ANKAR: variants seen among roughly 807,000 people sequenced by gnomAD.
The protein encoded by ANKAR is ankyrin and armadillo repeat containing.
A neutral mutation model predicts 146.2 loss-of-function variants in ANKAR; 136 were observed. The observed-to-expected ratio is 0.93, with a 90% CI of 0.81 to 1.07. The LOEUF (loss-of-function observed/expected upper bound fraction) is 1.07. Among genes scored for constraint, ANKAR ranks in the 50% least tolerant of loss-of-function variants. The pLI is 0.00. For synonymous variants in ANKAR, 500 were observed against 575.8 expected, an observed-to-expected ratio of 0.87 and a Z score of 1.88; for missense variants, 1,567 against 1,679.9, an observed-to-expected ratio of 0.93 and a Z score of 1.18.
At chr2:189,715,493 C>T (rs1300889276) in intron 10 of ANKAR, among the ~76,000 whole-genome samples, 3 of 152,216 alleles carry the variant, frequency 2.0e-5, no homozygotes, top group East Asian at 1.9e-4. Context: ...GATTCACAGC[C>T]GAATTCTACC....
chr2:189,723,413 T>C (rs1485700932), intron 12 of ANKAR, among the ~76,000 whole-genome samples: 1 of 152,196 alleles, frequency 6.6e-6, no homozygotes, highest in Non-Finnish European at 1.5e-5. Context: ...TTTCCTGTTC[T>C]GTGTTAATAA....
chr2:189,700,444 G>T (rs2037898680), intron 7 of ANKAR, among the ~76,000 whole-genome samples: 1 of 152,020 alleles, frequency 6.6e-6, no homozygotes, highest in Non-Finnish European at 1.5e-5. Flanking sequence ...TATATACTTG[G>T]AGTACATGAG....
At chr2:189,707,842 G>T (rs2039163261) in intron 9 of ANKAR, among the ~76,000 whole-genome samples, 1 of 152,110 alleles carries the variant, frequency 6.6e-6, no homozygotes, top group South Asian at 2.1e-4. Flanking sequence ...AGATAGGCAA[G>T]ACTTAGGACT....
rs559436982 is a variant in ANKAR at position 189,722,936 on chromosome 2, T to G, written c.2635+2149T>G. On this transcript the variant is annotated intron_variant, in intron 12 of 22. Transcript: ENST00000684021. ...ATGAAATAAATTATTGAAATAAAAG[T>G]ATTTTTTCCTACACCATAATCTACA... is the stretch of plus-strand genomic sequence containing the variant. 5.9e-5 allele frequency among the ~76,000 whole-genome samples: 9 copies of G among 151,728 alleles called. No individual in the cohort carries two copies. The East Asian group carries it at 1.7e-3, about 29-fold the overall frequency.
chr2:189,696,264 A>C lies in ANKAR; in HGVS notation c.1603A>C (p.Thr535Pro), dbSNP rs762042057. 18 of 1,614,016 alleles carry C rather than the reference A, an allele frequency of 1.1e-5. No homozygotes were observed. ...TINVSDEAGY[T>P]IFHHAALHNR... is the part of the protein sequence containing the mutation. ...CAATGTTTCAGATGAAGCAGGTTAT[A>C]CTATTTTTCATCATGCTGCCCTGCA... The change falls in exon 7 of 23, where the codon ACT (threonine) becomes CCT (proline). Residue 535 changes from threonine (T) to proline (P), a missense_variant. Transcript: ENST00000684021.
chr2:189,718,875 G>A (rs1341637438), intron 10 of ANKAR, among the ~76,000 whole-genome samples: 5 of 150,192 alleles, frequency 3.3e-5, no homozygotes, highest in South Asian at 2.1e-4. Flanking sequence ...TCAGCCTCCC[G>A]AGTAGCTGGG....
chr2:189,700,669 C>A (rs760611232), intron 7 of ANKAR, among the ~76,000 whole-genome samples: 9 of 152,204 alleles, frequency 5.9e-5, no homozygotes, highest in Non-Finnish European at 8.8e-5. Flanking sequence ...CATTAACTAT[C>A]CCCACTTCCC....
intron 2 of ANKAR, among the ~76,000 whole-genome samples, chr2:189,681,345 T>G (rs999713617): frequency 6.6e-6 from 1 of 152,190 alleles, no homozygotes; most frequent in Non-Finnish European, 1.5e-5. Flanking sequence ...GGAAGAGGGC[T>G]CTTGCTTACT....
At chr2:189,754,562 C>T in intron 18 of ANKAR, 1 of 509,342 alleles carries the variant, frequency 2.0e-6, no homozygotes. Flanking sequence ...ATCACTGCCC[C>T]TGTCTATGTT....
intron 9 of ANKAR, among the ~76,000 whole-genome samples, chr2:189,707,945 G>A (rs1033871238): frequency 6.6e-6 from 1 of 152,168 alleles, no homozygotes; most frequent in Non-Finnish European, 1.5e-5. Context: ...CTTGAGAACT[G>A]ACAGTGCCCG....
chr2:189,696,894 T>A (rs2037293793), intron 7 of ANKAR, among the ~76,000 whole-genome samples: 1 of 152,244 alleles, frequency 6.6e-6, no homozygotes, highest in South Asian at 2.1e-4. Flanking sequence ...AAATTACATT[T>A]AATAACAAAA....
intron 2 of ANKAR, among the ~76,000 whole-genome samples, chr2:189,678,479 CT>C (rs199748907): frequency 0.038 from 5,737 of 152,164 alleles, 156 homozygotes; most frequent in African/African-American, 0.067. Flanking sequence ...GTTGCATTTG[CT>C]TTTGGGTTCT....
chr2:189,692,379 C>T lies in ANKAR; in HGVS notation c.1164C>T (p.Ile388=). ...FHVHGGIEFD[I]STPSIENALE... is the part of the protein sequence containing the mutation. The stretch of plus-strand genomic sequence containing the variant: ...TTCATGGAGGAATTGAATTTGATAT[C>T]AGCACCCCTTCAATTGAGAATGCCT... The change falls in exon 4 of 23, where the codon ATC becomes ATT. Residue 388 remains isoleucine (I), a synonymous_variant. Transcript: ENST00000684021. 4 of 1,612,716 alleles carry T rather than the reference C, an allele frequency of 2.5e-6. No individual in the cohort carries two copies. Among genetic ancestry groups the T allele is most frequent in the Non-Finnish European group, 3.4e-6 (4 of 1,179,552 alleles).
intron 3 of ANKAR, 97 bp from the exon 4 acceptor site, chr2:189,692,158 T>C: frequency 9.6e-7 from 1 of 1,038,344 alleles, no homozygotes; most frequent in Non-Finnish European, 1.4e-6. Context: ...TCTGGAATTT[T>C]CTCACTTTGT....
At chr2:189,736,508 G>GTTTTTTT (rs1559139227) in intron 17 of ANKAR, among the ~76,000 whole-genome samples, 19 of 112,500 alleles carry the variant, frequency 1.7e-4, no homozygotes, top group African/African-American at 2.5e-4. Flanking sequence ...GGTTTTGTGT[G>GTTTTTTT]TGTGTGTGTG....
intron 18 of ANKAR, chr2:189,755,110 A>T (rs1559168589): frequency 2.6e-6 from 4 of 1,532,486 alleles, no homozygotes; most frequent in Non-Finnish European, 3.5e-6. Context: ...TAGCACATCT[A>T]TTGCTACTTA....
chr2:189,744,840 T>A, intron 22 of ANKAR, 52 bp downstream of exon 22: 4 of 1,351,466 alleles, frequency 3.0e-6, no homozygotes, highest in Non-Finnish European at 4.2e-6. Context: ...AGACACTTTA[T>A]AATTCTGTAT....
chr2:189,730,526 A>G lies in ANKAR; in HGVS notation c.3225A>G (p.Gln1075=). Residue 1075 remains glutamine (Q), a synonymous_variant, in exon 16 of 23, where the codon CAA becomes CAG. Coordinates refer to ENST00000684021, the MANE Select transcript of ANKAR (RefSeq NM_001378068.1). ...GVAHTSNPVS[Q]QLVVDENAFP... Reference sequence around the variant, plus strand: ...CCCATACAAGCAATCCTGTCAGTCAACAATTGGTTGTAGATGAAAATGCCT... The same window carrying G: ...CCCATACAAGCAATCCTGTCAGTCAGCAATTGGTTGTAGATGAAAATGCCT... The G allele has an allele frequency of 6.2e-7, 1 of 1,605,204 alleles. No homozygotes were observed. Among genetic ancestry groups the G allele is most frequent in the Middle Eastern group, 1.7e-4 (1 of 6,032 alleles).
intron 7 of ANKAR, among the ~76,000 whole-genome samples, chr2:189,704,546 T>TATATATAC (rs2038584804): frequency 2.7e-4 from 1 of 3,744 alleles, no homozygotes. Flanking sequence ...TTTGTTAACA[T>TATATATAC]ATATATATAT....
Sources: gnomAD v4.1 joint callset for allele counts (sites outside exome capture counted in the v4.1 genomes callset) on GRCh38, gnomAD v4.1.1 for gene constraint, MANE v1.5 for transcripts, NCBI Gene and HGNC (gene_info 2026-07-23, HGNC 2026-07-21) for gene names.